PLBD2: variants seen among roughly 807,000 people sequenced by gnomAD.
The protein encoded by PLBD2 is phospholipase B domain containing 2.
Under a neutral mutation model 68.3 loss-of-function variants are expected in PLBD2, and 51 were observed. That is an observed-to-expected ratio of 0.75 (90% CI 0.60 to 0.94). The LOEUF is 0.94. Ranked by LOEUF, PLBD2 falls within the 40% of genes least tolerant of loss-of-function variation. PLBD2 has a pLI of 0.00. For synonymous variants in PLBD2, 314 were observed against 339.3 expected (o/e 0.93, Z 0.82); for missense variants, 729 against 792.2 (o/e 0.92, Z 0.96).
Position 113,375,132 on chromosome 12 carries a change from A to G in PLBD2, c.859+125A>G, listed in dbSNP as rs187635864. The G allele has an allele frequency of 2.1e-5, 19 of 889,840 alleles. No homozygotes were observed. In the Admixed American group the frequency reaches 3.2e-4, roughly 15 times the overall value. 55.1% of individuals were successfully genotyped at this position (889,840 alleles called of 1,614,324 possible). A position where few individuals can be genotyped will look rare whatever the true frequency, so the allele number is the denominator to read the frequency against. On this transcript the variant is annotated intron_variant, in intron 5 of 11. Coordinates refer to ENST00000280800, the MANE Select transcript of PLBD2 (RefSeq NM_173542.4). The stretch of plus-strand genomic sequence containing the variant: ...ACGGAGTCACTGCAGGGATATTCCA[A>G]GAGTTCATTTTGGTTTTGTTTTTTT...
intron 6 of PLBD2, among the ~76,000 whole-genome samples, chr12:113,382,867 G>GTT (rs67376686): frequency 8.7e-4 from 71 of 81,788 alleles, no homozygotes; most frequent in African/African-American, 1.1e-3. Context: ...GTGTGTGTGT[G>GTT]TTTTTTTTTT....
intron 1 of PLBD2, among the ~76,000 whole-genome samples, chr12:113,361,053 G>C (rs916591468): frequency 6.6e-6 from 1 of 152,116 alleles, no homozygotes; most frequent in African/African-American, 2.4e-5. Flanking sequence ...GGAAACTGAG[G>C]TCCTCAGAGA....
chr12:113,391,270 A>T lies in PLBD2; in HGVS notation c.*2644A>T, dbSNP rs1430568710. 1 of 152,202 alleles carries T rather than the reference A, an allele frequency of 6.6e-6. No individual in the cohort carries two copies. The highest frequency in any genetic ancestry group is 2.4e-5 in the African/African-American group (1 of 41,444). 9.4% of individuals were successfully genotyped at this position (152,202 alleles called of 1,614,324 possible). On this transcript the variant is annotated 3_prime_UTR_variant, in exon 12 of 12. Transcript: ENST00000280800. ...CCTGGAGTCAGAGACCTGGGTTTCA[A>T]TTCTGTCTCCACCTCTTATTAGCTA...
rs371662208 is a variant in PLBD2, at chr12:113,384,911, C to T, written c.1179C>T (p.Pro393=). The T allele has an allele frequency of 2.6e-5, 36 of 1,371,490 alleles. No individual in the cohort carries two copies. In the African/African-American group the frequency reaches 3.0e-4, roughly 11 times the overall value. 85.0% of individuals were successfully genotyped at this position (1,371,490 alleles called of 1,614,324 possible). The change falls in exon 8 of 12, where the codon CCC becomes CCT. Residue 393 remains proline (P), a synonymous_variant. Transcript: ENST00000280800. This position sits in a 1 kb window ranked among gnomAD's most constrained non-coding sequence, Gnocchi z 4.2. The part of the protein sequence containing the change: ...YKAFIPGGPS[P]GSRVLTILEQ... ...CGTTCATCCCGGGTGGGCCCAGCCC[C>T]GGGAGCCGGGTGCTTACCATCCTGG...
chr12:113,363,120 T>C (rs1255913415), intron 1 of PLBD2, among the ~76,000 whole-genome samples: 2 of 151,828 alleles, frequency 1.3e-5, no homozygotes, highest in African/African-American at 4.8e-5. Flanking sequence ...AATAAGCACA[T>C]CTAGTTATAG....
chr12:113,384,825 C>G lies in PLBD2; in HGVS notation c.1119-26C>G. 1.2e-6 allele frequency: 2 copies of G among 1,601,122 alleles called. No homozygotes were observed. The highest frequency in any genetic ancestry group is 1.7e-6 in the Non-Finnish European group (2 of 1,168,692). ...TGGGGAGGTGGCTCCAGGCTCTGTT[C>G]AGTCCTCCCTTCCCCTGCCCGGCAG... On this transcript the variant is annotated intron_variant, in intron 7 of 11. Coordinates refer to ENST00000280800, the MANE Select transcript of PLBD2 (RefSeq NM_173542.4). This position sits in a 1 kb window ranked among gnomAD's most constrained non-coding sequence, Gnocchi z 4.2.
chr12:113,383,542 C>T (rs1307220235), intron 6 of PLBD2, among the ~76,000 whole-genome samples: 2 of 152,092 alleles, frequency 1.3e-5, no homozygotes, highest in Non-Finnish European at 2.9e-5. Context: ...TCAAGTCATT[C>T]TCCTGCCTCA....
rs1371600248 is a variant in PLBD2, at chr12:113,387,738, A to G, written c.1440-6A>G. The G allele has an allele frequency of 1.2e-6, 2 of 1,612,520 alleles. No individual in the cohort carries two copies. The highest frequency in any genetic ancestry group is 1.3e-5 in the African/African-American group (1 of 74,880). On this transcript the variant is annotated splice_region_variant and splice_polypyrimidine_tract_variant and intron_variant, in intron 10 of 11. Coordinates refer to ENST00000280800, the MANE Select transcript of PLBD2 (RefSeq NM_173542.4). ...TGACTGATGTTCCCTCCTTTTCCCC[A>G]TCCAGGTACAATGACTTCCTCCATG...
chr12:113,384,968 G>A lies in PLBD2; in HGVS notation c.1214+22G>A, dbSNP rs1192325718. The A allele has an allele frequency of 6.3e-7, 1 of 1,591,204 alleles. No individual in the cohort carries two copies. Among genetic ancestry groups the A allele is most frequent in the Non-Finnish European group, 8.6e-7 (1 of 1,163,676 alleles). ...TCCCGTGCGTACCCTGGGAGGGAGG[G>A]GTGGGGGCTCGGGGCAGAGGGGACT... On this transcript the variant is annotated intron_variant, in intron 8 of 11. Coordinates refer to ENST00000280800, the MANE Select transcript of PLBD2 (RefSeq NM_173542.4). The surrounding 1 kb of genome is among the most constrained non-coding windows in gnomAD (Gnocchi z 4.2).
rs754683327 is a variant in PLBD2 at position 113,384,240 on chromosome 12, A to G, written c.1093A>G (p.Ile365Val). 5 of 1,613,430 alleles carry G rather than the reference A, an allele frequency of 3.1e-6. No homozygotes were observed. Among genetic ancestry groups the G allele is most frequent in the Non-Finnish European group, 4.2e-6 (5 of 1,179,732 alleles). The change falls in exon 7 of 12, where the codon ATC (isoleucine) becomes GTC (valine). Residue 365 changes from isoleucine to valine, a missense_variant. Ile to Val is a conservative substitution (Grantham distance 29). Transcript: ENST00000280800. The surrounding 1 kb of genome is among the most constrained non-coding windows in gnomAD (Gnocchi z 4.2). ...LASDGATWAD[I>V]FKRFNSGTYN... is the part of the protein sequence containing the mutation. Reference sequence around the variant, plus strand: ...CTCGGATGGGGCCACCTGGGCAGACATCTTCAAGAGGTTCAACAGCGGCAC... The same window carrying G: ...CTCGGATGGGGCCACCTGGGCAGACGTCTTCAAGAGGTTCAACAGCGGCAC...
rs544551775 is a variant in PLBD2 at position 113,390,753 on chromosome 12, T to C, written c.*2127T>C. 6.6e-6 allele frequency: 1 copy of C among 151,702 alleles called. No homozygotes were observed. The highest frequency in any genetic ancestry group is 2.1e-4 in the South Asian group (1 of 4,778). 9.4% of individuals were successfully genotyped at this position (151,702 alleles called of 1,614,324 possible). On this transcript the variant is annotated 3_prime_UTR_variant, in exon 12 of 12. Coordinates refer to ENST00000280800, the MANE Select transcript of PLBD2 (RefSeq NM_173542.4). ...ACCCATCCATCCATCCTTCCAACCA[T>C]TTATCCACCCATCCAACCATTTCCA...
In PLBD2 at chr12:113,369,120, G is replaced by C. The variant is rs1173435324; in HGVS notation, c.295G>C (p.Ala99Pro). The C allele has an allele frequency of 1.9e-6, 3 of 1,593,070 alleles. No homozygotes were observed. ...LTNAIRETGWAFLELGTSGQY... is the reference protein window; with the variant it reads ...LTNAIRETGWPFLELGTSGQY... ...TGTCCCCTCCTTCCCCTCCAGGTGG[G>C]CCTTCCTGGAGCTGGGCACAAGTGG... Residue 99 changes from alanine (A) to proline (P), a missense_variant, in exon 2 of 12, where the codon GCC becomes CCC. Physicochemically the swap from Ala to Pro is conservative, Grantham distance 27. Transcript: ENST00000280800.
Position 113,372,569 on chromosome 12 carries a change from G to A in PLBD2, c.385-80G>A. ...GGCCACACCAGCAGCCTCCGCTCTGGGGCAGCCTGGGTGGGGGGCTCTCAG... is the reference window on the plus strand; with the variant it reads ...GGCCACACCAGCAGCCTCCGCTCTGAGGCAGCCTGGGTGGGGGGCTCTCAG... On this transcript the variant is annotated intron_variant, in intron 2 of 11. Coordinates refer to ENST00000280800, the MANE Select transcript of PLBD2 (RefSeq NM_173542.4). This position sits in a 1 kb window ranked among gnomAD's most constrained non-coding sequence, Gnocchi z 4.2. 1 of 1,493,698 alleles carries A rather than the reference G, an allele frequency of 6.7e-7. No homozygotes were observed. The highest frequency in any genetic ancestry group is 2.3e-5 in the East Asian group (1 of 43,946). The allele number at this position is 1,493,698 out of a possible 1,614,324, so 92.5% of individuals were successfully genotyped here.
At chr12:113,358,957 C>T (rs1957262145) in intron 1 of PLBD2, 67 bp downstream of exon 1, 6 of 1,439,412 alleles carry the variant, frequency 4.2e-6, no homozygotes, top group African/African-American at 1.5e-5. Context: ...CGGACCTCGC[C>T]TGTTCCCGGG....
intron 5 of PLBD2, among the ~76,000 whole-genome samples, chr12:113,380,405 G>A (rs1957476219): frequency 6.6e-6 from 1 of 152,152 alleles, no homozygotes; most frequent in Admixed American, 6.5e-5. Context: ...AAAGTGCAGG[G>A]ATTACAGGTG....
chr12:113,387,936 T>G (rs373226518), intron 11 of PLBD2, 30 bp downstream of exon 11: 25 of 1,608,436 alleles, frequency 1.6e-5, no homozygotes, highest in Non-Finnish European at 1.8e-5. Flanking sequence ...GCCTGAGCTG[T>G]GGGTGGGGGA....
intron 1 of PLBD2, among the ~76,000 whole-genome samples, chr12:113,362,728 A>G (rs190315596): frequency 2.0e-4 from 31 of 152,038 alleles, no homozygotes; most frequent in Admixed American, 5.3e-4. Flanking sequence ...AAGATTGGCA[A>G]TTTTAGAGCA....
chr12:113,385,372 C>T, intron 9 of PLBD2, 89 bp downstream of exon 9: 3 of 1,270,590 alleles, frequency 2.4e-6, no homozygotes, highest in Non-Finnish European at 3.4e-6. Flanking sequence ...TGTTTTTAAA[C>T]CCACAGAACA....
rs2051782730 is a variant in PLBD2, at chr12:113,384,515, A to G, written c.1118+250A>G. The stretch of plus-strand genomic sequence containing the variant: ...AGCACTTGGAACCTGAAGACTCTCA[A>G]GGGGACAGTGGGGAGGGCTGTTTGA... On this transcript the variant is annotated intron_variant, in intron 7 of 11. Transcript: ENST00000280800. This position sits in a 1 kb window ranked among gnomAD's most constrained non-coding sequence, Gnocchi z 4.2. 6.6e-6 allele frequency among the ~76,000 whole-genome samples: 1 copy of G among 152,148 alleles called. No homozygotes were observed. Among genetic ancestry groups the G allele is most frequent in the Non-Finnish European group, 1.5e-5 (1 of 68,010 alleles).
Sources: allele counts gnomAD v4.1 joint callset (sites outside exome capture counted in the v4.1 genomes callset), GRCh38; gene constraint gnomAD v4.1.1; non-coding constraint Gnocchi (gnomAD v3.1); transcripts MANE v1.5; gene names NCBI Gene and HGNC (gene_info 2026-07-23, HGNC 2026-07-21).